ATRNL1: variants seen among roughly 807,000 people sequenced by gnomAD.
The protein encoded by ATRNL1 is attractin like 1, also known as attractin-like protein 1.
ATRNL1 carries 95 observed loss-of-function variants against 182.7 expected under a neutral mutation model. The ratio of observed to expected loss-of-function variants is 0.52; its 90% confidence interval spans 0.44 to 0.62. The LOEUF (loss-of-function observed/expected upper bound fraction) is 0.62, where lower values mean the gene tolerates loss of function less well. Ranked by LOEUF, ATRNL1 falls within the 20% of genes least tolerant of loss-of-function variation. ATRNL1 has a pLI of 0.00. For missense variants in ATRNL1, 1,471 were observed against 1,679.5 expected, an observed-to-expected ratio of 0.88 and a Z score of 2.17; for synonymous variants, 576 against 568.3, an observed-to-expected ratio of 1.01 and a Z score of -0.19.
At chr10:115,279,253 T>C (rs1321894774) in intron 13 of ATRNL1, among the ~76,000 whole-genome samples, 1 of 151,360 alleles carries the variant, frequency 6.6e-6, no homozygotes, top group Non-Finnish European at 1.5e-5. Flanking sequence ...AGATATGGCA[T>C]ACTAAGGAGA....
At chr10:115,223,930 T>TATATATATATATA (rs1491447423) in intron 9 of ATRNL1, among the ~76,000 whole-genome samples, 15 of 37,240 alleles carry the variant, frequency 4.0e-4, no homozygotes, top group African/African-American at 1.3e-3. Context: ...TATATATATA[T>TATATATATATATA]TTTTTTTTTT....
Position 115,530,860 on chromosome 10 carries a change from T to C in ATRNL1, c.3716+11536T>C, listed in dbSNP as rs553622169. Among the ~76,000 whole-genome samples the C allele has an allele frequency of 2.1e-5, 3 of 145,210 alleles. No individual in the cohort carries two copies. In the East Asian group the frequency reaches 6.4e-4, roughly 31 times the overall value. On this transcript the variant is annotated intron_variant, in intron 25 of 28. Coordinates refer to ENST00000355044, the MANE Select transcript of ATRNL1 (RefSeq NM_207303.4). ...GTTCTCATTGTTCAATTCCCACCTA[T>C]GAGTGAGAACATGTGGTGTTTGGTT...
rs570568749 is a variant in ATRNL1, at chr10:115,327,091, A to C, written c.3038-7191A>C. 2.7e-3 allele frequency among the ~76,000 whole-genome samples: 405 copies of C among 151,662 alleles called. 2 individuals carry two copies. The highest frequency in any genetic ancestry group is 9.2e-3 in the African/African-American group (381 of 41,424). On this transcript the variant is annotated intron_variant, in intron 18 of 28. Transcript: ENST00000355044. ...AAGCCAAAATTGACAAATGGGATCT[A>C]ATTAAACTAAAGAGCTTCTGCACAG...
In ATRNL1 at chr10:115,171,268, AG is replaced by A. The variant is rs1847280853; in HGVS notation, c.1325del (p.Ser442ThrfsTer36). ...ATATTCTGCAATATATGGTTATACA[AG>A]CAGCATACAGGAATACCATATCTGT... ...FGYSAIYGYT[S>X]SIQEYHISSN... On this transcript the variant is annotated frameshift_variant, in exon 8 of 29. Transcript: ENST00000355044. LOFTEE classifies it high-confidence loss of function. The A allele has an allele frequency of 2.5e-6, 4 of 1,603,646 alleles. No homozygotes were observed.
intron 24 of ATRNL1, among the ~76,000 whole-genome samples, chr10:115,515,565 T>C (rs1432451514): frequency 1.3e-5 from 2 of 151,976 alleles, no homozygotes; most frequent in African/African-American, 4.8e-5. Flanking sequence ...TAAAATACTT[T>C]CTCTGTACAA....
intron 20 of ATRNL1, among the ~76,000 whole-genome samples, chr10:115,398,232 G>A (rs186799693): frequency 4.6e-5 from 7 of 151,996 alleles, no homozygotes; most frequent in African/African-American, 1.7e-4. Flanking sequence ...AGTGGGCAGG[G>A]CATCAGTAGT....
intron 27 of ATRNL1, among the ~76,000 whole-genome samples, chr10:115,835,878 C>G (rs537931677): frequency 6.6e-6 from 1 of 152,254 alleles, no homozygotes; most frequent in South Asian, 2.1e-4. Flanking sequence ...CAATGTGATA[C>G]AACTCTAAAG....
intron 27 of ATRNL1, among the ~76,000 whole-genome samples, chr10:115,780,091 C>T (rs1348423811): frequency 2.0e-5 from 3 of 152,204 alleles, no homozygotes; most frequent in East Asian, 3.9e-4. Flanking sequence ...TTGCCACTGC[C>T]ACTCCTCCTT....
intron 18 of ATRNL1, among the ~76,000 whole-genome samples, chr10:115,325,305 C>T (rs1224841701): frequency 2.0e-5 from 3 of 152,036 alleles, no homozygotes; most frequent in Non-Finnish European, 2.9e-5. Context: ...CAATGTAAAC[C>T]TCAACACTCT....
chr10:115,436,765 T>C (rs599782), intron 21 of ATRNL1, among the ~76,000 whole-genome samples: 15,563 of 152,110 alleles, frequency 0.1, 2,624 homozygotes, highest in African/African-American at 0.35. Context: ...TTGCGTTTAC[T>C]GACTTGTGTT....
chr10:115,426,352 T>A (rs941422792), intron 21 of ATRNL1, 50 bp downstream of exon 21: 4 of 1,354,736 alleles, frequency 3.0e-6, no homozygotes, highest in Non-Finnish European at 4.1e-6. Flanking sequence ...ATACTATTAG[T>A]TTCAAATAAT....
chr10:115,741,800 T>C (rs1948147046), intron 27 of ATRNL1, among the ~76,000 whole-genome samples: 1 of 152,212 alleles, frequency 6.6e-6, no homozygotes, highest in East Asian at 1.9e-4. Flanking sequence ...TTGGGTCTTC[T>C]TCATATGTAC....
At chr10:115,455,559 C>G (rs1322533985) in intron 21 of ATRNL1, among the ~76,000 whole-genome samples, 1 of 152,130 alleles carries the variant, frequency 6.6e-6, no homozygotes, top group Non-Finnish European at 1.5e-5. Context: ...CAATACCATT[C>G]AGGACATAGG....
intron 27 of ATRNL1, among the ~76,000 whole-genome samples, chr10:115,787,352 T>C (rs1949421630): frequency 6.6e-6 from 1 of 152,214 alleles, no homozygotes; most frequent in Non-Finnish European, 1.5e-5. Flanking sequence ...CCACTAAGAC[T>C]GATACTCATA....
chr10:115,187,902 G>C (rs1848011274), intron 8 of ATRNL1, among the ~76,000 whole-genome samples: 1 of 151,734 alleles, frequency 6.6e-6, no homozygotes, highest in Non-Finnish European at 1.5e-5. Context: ...GGATGGTCTT[G>C]ATCTCCTGAT....
chr10:115,828,430 G>A (rs1950488100), intron 27 of ATRNL1, among the ~76,000 whole-genome samples: 1 of 152,064 alleles, frequency 6.6e-6, no homozygotes, highest in Non-Finnish European at 1.5e-5. Flanking sequence ...GTGGAAAATG[G>A]AAATCAAGGA....
intron 28 of ATRNL1, among the ~76,000 whole-genome samples, chr10:115,858,632 C>A (rs1951240634): frequency 6.6e-6 from 1 of 152,124 alleles, no homozygotes; most frequent in African/African-American, 2.4e-5. Context: ...TTCAGCAAAC[C>A]ACCATGGCAC....
intron 26 of ATRNL1, among the ~76,000 whole-genome samples, chr10:115,638,139 A>T (rs916208462): frequency 1.3e-5 from 2 of 152,102 alleles, no homozygotes; most frequent in Admixed American, 1.3e-4. Flanking sequence ...TAAATGCCCT[A>T]TATAGGTATG....
At chr10:115,132,642 A>G (rs1554875535) in intron 5 of ATRNL1, among the ~76,000 whole-genome samples, 1 of 152,106 alleles carries the variant, frequency 6.6e-6, no homozygotes, top group Non-Finnish European at 1.5e-5. Context: ...GTGAGATGGT[A>G]TCTCATTGTG....
Sources: allele counts gnomAD v4.1 joint callset (sites outside exome capture counted in the v4.1 genomes callset), GRCh38; gene constraint gnomAD v4.1.1; transcripts MANE v1.5; gene names NCBI Gene and HGNC (gene_info 2026-07-23, HGNC 2026-07-21).